The following CRK variants were observed in gnomAD, a reference collection of about 807,000 sequenced individuals.
The protein encoded by CRK is CRK proto-oncogene, adaptor protein.
In CRK, 4 loss-of-function variants were observed where a neutral mutation model predicts 29.8. The ratio of observed to expected loss-of-function variants is 0.13; its 90% CI spans 0.07 to 0.31. CRK has a LOEUF of 0.31. Among genes scored for constraint, CRK ranks in the 10% least tolerant of loss-of-function variants. CRK has a pLI of 1.00. For synonymous variants in CRK, 153 were observed against 164.9 expected, an observed-to-expected ratio of 0.93 and a Z score of 0.55; for missense variants, 274 against 396.5, an observed-to-expected ratio of 0.69 and a Z score of 2.62.
At chr17:1,450,568 C>G (rs926968404) in intron 1 of CRK, among the ~76,000 whole-genome samples, 2 of 151,864 alleles carry the variant, frequency 1.3e-5, no homozygotes, top group African/African-American at 4.8e-5. Flanking sequence ...ATAATTTTCA[C>G]CTATGCACTG....
chr17:1,430,363 G>A (rs1019802145), intron 2 of CRK, among the ~76,000 whole-genome samples: 4 of 140,600 alleles, frequency 2.8e-5, no homozygotes, highest in East Asian at 2.2e-4. Flanking sequence ...CTGATTATTA[G>A]TATTATTTTT....
intron 2 of CRK, chr17:1,424,450 G>A (rs759777422): frequency 1.3e-5 from 2 of 152,254 alleles, no homozygotes; most frequent in Non-Finnish European, 2.9e-5. Context: ...TTGCACAGCA[G>A]AAAGCGATCA....
intron 2 of CRK, among the ~76,000 whole-genome samples, chr17:1,434,349 G>A (rs1176413117): frequency 6.6e-6 from 1 of 152,142 alleles, no homozygotes; most frequent in Non-Finnish European, 1.5e-5. Flanking sequence ...ACAGAATCCT[G>A]GGAGATAGGC....
chr17:1,437,460 T>C (rs570525320), intron 1 of CRK, among the ~76,000 whole-genome samples: 2 of 152,106 alleles, frequency 1.3e-5, no homozygotes, highest in East Asian at 3.9e-4. Flanking sequence ...AACATCACAT[T>C]TGGAAGCTGA....
chr17:1,423,386 T>C lies in CRK; in HGVS notation c.*127A>G, dbSNP rs774655954. The C allele has an allele frequency of 1.9e-5, 23 of 1,187,280 alleles. No individual in the cohort carries two copies. The highest frequency in any genetic ancestry group is 2.5e-5 in the East Asian group (1 of 39,846). 73.5% of individuals were successfully genotyped at this position (1,187,280 alleles called of 1,614,324 possible). A position where few individuals can be genotyped will look rare whatever the true frequency, so the allele number is the denominator to read the frequency against. ...ATGGAGCAGTTCAGTCTAAAAAATA[T>C]CACAGGTAACAGAATGCTTATATAA... is the stretch of plus-strand genomic sequence containing the variant. On this transcript the variant is annotated 3_prime_UTR_variant, in exon 3 of 3. Coordinates refer to ENST00000300574, the MANE Select transcript of CRK (RefSeq NM_016823.4).
At chr17:1,430,068 G>A (rs2073823900) in intron 2 of CRK, among the ~76,000 whole-genome samples, 1 of 149,332 alleles carries the variant, frequency 6.7e-6, no homozygotes, top group South Asian at 2.1e-4. Flanking sequence ...TTTAAAGACA[G>A]AGTTTCGCTT....
At chr17:1,451,330 A>C (rs1460808490) in intron 1 of CRK, among the ~76,000 whole-genome samples, 1 of 151,708 alleles carries the variant, frequency 6.6e-6, no homozygotes, top group Non-Finnish European at 1.5e-5. Context: ...TCCGGGGTTC[A>C]AGCGATTCTC....
At chr17:1,427,030 CAAAAAAAAAAAAAAAAAAAAAAAA>C (rs562515421) in intron 2 of CRK, among the ~76,000 whole-genome samples, 262 of 35,308 alleles carry the variant, frequency 7.4e-3, no homozygotes, top group South Asian at 0.019. Flanking sequence ...AAACTGTCTC[CAAAAAAAAAAAAAAAAAAAAAAAA>C]AAAAAAAAAA....
At chr17:1,441,515 G>T (rs1178736668) in intron 1 of CRK, among the ~76,000 whole-genome samples, 4 of 151,314 alleles carry the variant, frequency 2.6e-5, no homozygotes, top group Admixed American at 1.3e-4. Flanking sequence ...TTTTGAGATG[G>T]AGTCACATTC....
intron 2 of CRK, among the ~76,000 whole-genome samples, chr17:1,434,792 C>CAAAAA (rs376877954): frequency 6.9e-4 from 86 of 124,728 alleles, no homozygotes; most frequent in East Asian, 3.4e-3. Flanking sequence ...CAAAAAGAAC[C>CAAAAA]AAAAAAAAAA....
At chr17:1,430,601 G>A (rs145237635) in intron 2 of CRK, among the ~76,000 whole-genome samples, 2,482 of 136,070 alleles carry the variant, frequency 0.018, 40 homozygotes, top group Middle Eastern at 0.035. Context: ...TCCTGACCTC[G>A]TGATCCGCCC....
At chr17:1,435,374 C>T (rs770255076) in intron 2 of CRK, among the ~76,000 whole-genome samples, 1 of 151,812 alleles carries the variant, frequency 6.6e-6, no homozygotes, top group Non-Finnish European at 1.5e-5. Context: ...TTCATACTTA[C>T]TTCAACCCAG....
intron 2 of CRK, among the ~76,000 whole-genome samples, chr17:1,434,919 G>A (rs150976734): frequency 2.6e-5 from 4 of 152,030 alleles, no homozygotes; most frequent in African/African-American, 9.6e-5. Context: ...AGCAGGTAGA[G>A]AAGCTCAACC....
chr17:1,438,583 C>A (rs149997918), intron 1 of CRK, among the ~76,000 whole-genome samples: 1 of 151,554 alleles, frequency 6.6e-6, no homozygotes, highest in South Asian at 2.1e-4. Context: ...CTAGACTGTT[C>A]GCTATGAAGC....
chr17:1,436,506 G>C (rs1311766177), intron 2 of CRK, 114 bp downstream of exon 2: 1 of 1,163,254 alleles, frequency 8.6e-7, no homozygotes, highest in African/African-American at 1.6e-5. Flanking sequence ...GTGCTTAGCG[G>C]CTTGCCATCT....
chr17:1,444,857 A>C (rs1171034873), intron 1 of CRK, among the ~76,000 whole-genome samples: 2 of 145,896 alleles, frequency 1.4e-5, no homozygotes, highest in East Asian at 4.0e-4. Flanking sequence ...AAAAAAAAGA[A>C]TGGCATAGGG....
At position 1,439,900 on chromosome 17, in the gene CRK, CCT is replaced by C. The variant is rs2073920871; in HGVS notation, c.242-2747_242-2746del. ...GGGCGTGGTGCCTCACACCTGTAAT[CCT>C]AGAACTTTAGGAGGCTGAGGTGGGA... is the stretch of plus-strand genomic sequence containing the variant. On this transcript the variant is annotated intron_variant, in intron 1 of 2. Coordinates refer to ENST00000300574, the MANE Select transcript of CRK (RefSeq NM_016823.4). Among the ~76,000 whole-genome samples the C allele has an allele frequency of 2.6e-5, 4 of 152,150 alleles. No individual in the cohort carries two copies. The South Asian group carries it at 8.3e-4, about 32-fold the overall frequency.
chr17:1,446,688 T>C (rs1342754967), intron 1 of CRK, among the ~76,000 whole-genome samples: 1 of 150,108 alleles, frequency 6.7e-6, no homozygotes, highest in Admixed American at 6.8e-5. Flanking sequence ...GCTTCCTGGG[T>C]TCACGCCATT....
chr17:1,437,607 C>G (rs1344153987), intron 1 of CRK, among the ~76,000 whole-genome samples: 1 of 151,734 alleles, frequency 6.6e-6, no homozygotes, highest in African/African-American at 2.4e-5. Flanking sequence ...CAAATATGTT[C>G]TGTCGCTACC....
Sources: allele counts gnomAD v4.1 joint callset (sites outside exome capture counted in the v4.1 genomes callset), GRCh38; gene constraint gnomAD v4.1.1; transcripts MANE v1.5; gene names NCBI Gene and HGNC (gene_info 2026-07-23, HGNC 2026-07-21).